FOXN4: variants seen among roughly 807,000 people sequenced by gnomAD.
FOXN4 encodes the protein forkhead box protein N4.
Under a neutral mutation model 45.0 loss-of-function variants are expected in FOXN4, and 12 were observed. That is an observed-to-expected ratio of 0.27 (90% CI 0.17 to 0.43). FOXN4 has a LOEUF of 0.43. Ranked by LOEUF, FOXN4 falls within the 20% of genes least tolerant of loss-of-function variation. The pLI is 1.00. For synonymous variants in FOXN4, 297 were observed against 295.0 expected, an observed-to-expected ratio of 1.01 and a Z score of -0.07; for missense variants, 560 against 694.9, an observed-to-expected ratio of 0.81 and a Z score of 2.18.
chr12:109,280,585 C>A (rs1265704561), intron 9 of FOXN4, among the ~76,000 whole-genome samples: 1 of 152,168 alleles, frequency 6.6e-6, no homozygotes, highest in Non-Finnish European at 1.5e-5. Flanking sequence ...GACAATGTTT[C>A]TCTTTCTTCA....
intron 6 of FOXN4, 44 bp from the exon 7 acceptor site, chr12:109,286,788 G>T: frequency 6.4e-7 from 1 of 1,569,368 alleles, no homozygotes; most frequent in Non-Finnish European, 8.6e-7. Context: ...GCAGGACAGG[G>T]CAGGCCAGGC....
chr12:109,279,767 T>C lies in FOXN4; in HGVS notation c.1458A>G (p.Thr486=), dbSNP rs779699189. The part of the protein sequence containing the change: ...FPDLQVTGLY[T]AYSTPDSVAA... ...CCACACTGTCCGGAGTGGAGTACGC[T>C]GTGTAGAGACCCGTCACCTGCAAGT... The change falls in exon 10 of 10, where the codon ACA becomes ACG. Residue 486 remains threonine, a synonymous_variant. Transcript: ENST00000299162. 5.0e-6 allele frequency: 8 copies of C among 1,598,750 alleles called. No individual in the cohort carries two copies. The Admixed American group carries it at 7.0e-5, about 14-fold the overall frequency.
At position 109,283,977 on chromosome 12, in the gene FOXN4, T is replaced by C. The variant is rs149497669; in HGVS notation, c.901+1327A>G. Among the ~76,000 whole-genome samples, 9 of 152,328 alleles carry C rather than the reference T, an allele frequency of 5.9e-5. No individual in the cohort carries two copies. In the East Asian group the frequency reaches 1.7e-3, roughly 29 times the overall value. ...AAATCTTTGCTCTTCACAGTACACATCATCAGAAGTAGAATAATTGGACCA... is the reference window on the plus strand; with the variant it reads ...AAATCTTTGCTCTTCACAGTACACACCATCAGAAGTAGAATAATTGGACCA... On this transcript the variant is annotated intron_variant, in intron 8 of 9. Transcript: ENST00000299162.
At position 109,309,106 on chromosome 12, in the gene FOXN4, T is replaced by C. The variant is rs1328650976; in HGVS notation, c.-4+13A>G. 2 of 152,100 alleles carry C rather than the reference T, an allele frequency of 1.3e-5. No individual in the cohort carries two copies. Among genetic ancestry groups the C allele is most frequent in the African/African-American group, 2.4e-5 (1 of 41,442 alleles). 9.4% of individuals were successfully genotyped at this position (152,100 alleles called of 1,614,324 possible). On this transcript the variant is annotated intron_variant, in intron 1 of 9. Coordinates refer to ENST00000299162, the MANE Select transcript of FOXN4 (RefSeq NM_213596.3). The surrounding 1 kb of genome is among the most constrained non-coding windows in gnomAD (Gnocchi z 5.0). ...CGGGAGGAGGGAGCAAAGCCGACCC[T>C]GCAAGGCGGTACCTGGAGCCGATCC...
chr12:109,280,989 G>A lies in FOXN4; in HGVS notation c.1294+418C>T, dbSNP rs1593764086. Reference sequence around the variant, plus strand: ...CCACTTACTAGCCAGGTGACCTTGGGTGAGTGACTTCACTTCTCTCTGCCT... The same window carrying A: ...CCACTTACTAGCCAGGTGACCTTGGATGAGTGACTTCACTTCTCTCTGCCT... On this transcript the variant is annotated intron_variant, in intron 9 of 9. Transcript: ENST00000299162. 3.9e-5 allele frequency among the ~76,000 whole-genome samples: 6 copies of A among 152,310 alleles called. No individual in the cohort carries two copies. In the South Asian group the frequency reaches 1.2e-3, roughly 32 times the overall value.
At chr12:109,292,889 GGGCTGAGCACAA>G (rs1658422438) in intron 2 of FOXN4, among the ~76,000 whole-genome samples, 1 of 152,136 alleles carries the variant, frequency 6.6e-6, no homozygotes, top group African/African-American at 2.4e-5. Context: ...CACGTATAAA[GGGCTGAGCACAA>G]GGCTGAGCAT....
At chr12:109,284,475 A>G (rs1244267503) in intron 8 of FOXN4, among the ~76,000 whole-genome samples, 3 of 135,448 alleles carry the variant, frequency 2.2e-5, no homozygotes, top group East Asian at 2.3e-4. Flanking sequence ...GCGTGTGCGC[A>G]CACACTAGGG....
chr12:109,284,890 G>C (rs1331219226), intron 8 of FOXN4, among the ~76,000 whole-genome samples: 1 of 150,786 alleles, frequency 6.6e-6, no homozygotes. Flanking sequence ...GCACGCATGT[G>C]TGTATTGGTC....
chr12:109,286,248 C>T (rs998771449), intron 7 of FOXN4, among the ~76,000 whole-genome samples: 1 of 152,178 alleles, frequency 6.6e-6, no homozygotes, highest in African/African-American at 2.4e-5. Context: ...CTGCCAGGCC[C>T]TTTATCTGCA....
chr12:109,296,250 G>A (rs2047815867), intron 2 of FOXN4, among the ~76,000 whole-genome samples: 1 of 152,214 alleles, frequency 6.6e-6, no homozygotes, highest in Non-Finnish European at 1.5e-5. Flanking sequence ...ACCCAGCGCT[G>A]GGGAGCTGTG....
At chr12:109,284,500 T>C (rs2047683604) in intron 8 of FOXN4, among the ~76,000 whole-genome samples, 1 of 151,746 alleles carries the variant, frequency 6.6e-6, no homozygotes, top group Non-Finnish European at 1.5e-5. Context: ...CCCGGGCCTC[T>C]TGGCCATGCT....
chr12:109,294,076 G>A (rs139483172), intron 2 of FOXN4, among the ~76,000 whole-genome samples: 5 of 152,292 alleles, frequency 3.3e-5, no homozygotes, highest in East Asian at 1.9e-4. Context: ...GAGATCAGAC[G>A]TCTTCCGGGG....
intron 8 of FOXN4, among the ~76,000 whole-genome samples, chr12:109,283,322 C>T (rs1015624373): frequency 1.3e-5 from 2 of 152,156 alleles, no homozygotes; most frequent in Non-Finnish European, 2.9e-5. Flanking sequence ...TTCCCAAACA[C>T]ACAAGCATAT....
intron 8 of FOXN4, among the ~76,000 whole-genome samples, chr12:109,283,123 G>C (rs117762573): frequency 6.6e-6 from 1 of 152,006 alleles, no homozygotes; most frequent in Non-Finnish European, 1.5e-5. Context: ...TAGCCTCCAC[G>C]TCACAGTCCC....
At chr12:109,280,673 C>T (rs2047644508) in intron 9 of FOXN4, among the ~76,000 whole-genome samples, 1 of 152,208 alleles carries the variant, frequency 6.6e-6, no homozygotes. Flanking sequence ...CTGCAGCTGA[C>T]TTGCCACTTG....
chr12:109,292,665 A>G (rs1456271021), intron 2 of FOXN4, among the ~76,000 whole-genome samples: 2 of 152,266 alleles, frequency 1.3e-5, no homozygotes, highest in African/African-American at 2.4e-5. Flanking sequence ...ATTAATATCC[A>G]CCAGGTCGCC....
Position 109,291,020 on chromosome 12 carries a change from CAGG to C in FOXN4, c.87-737_87-735del, listed in dbSNP as rs1566001108. On this transcript the variant is annotated intron_variant, in intron 2 of 9. Coordinates refer to ENST00000299162, the MANE Select transcript of FOXN4 (RefSeq NM_213596.3). This position sits in a 1 kb window ranked among gnomAD's most constrained non-coding sequence, Gnocchi z 6.6. The stretch of plus-strand genomic sequence containing the variant: ...GTCACCTGCCCAAGGCGACACAGAA[CAGG>C]AGGTGGTGGGGCTGAGACCCAGTCA... Among the ~76,000 whole-genome samples the C allele has an allele frequency of 6.6e-6, 1 of 152,154 alleles. No homozygotes were observed. The highest frequency in any genetic ancestry group is 1.5e-5 in the Non-Finnish European group (1 of 68,024).
Position 109,287,003 on chromosome 12 carries a change from C to A in FOXN4, c.597-259G>T. The stretch of plus-strand genomic sequence containing the variant: ...ACCCTTTCCCCTCTTTATTGCATCC[C>A]CATAATTTTAATGGCTATGAGCCTT... On this transcript the variant is annotated intron_variant, in intron 6 of 9. Transcript: ENST00000299162. The surrounding 1 kb of genome is among the most constrained non-coding windows in gnomAD (Gnocchi z 4.1). 1.1e-6 allele frequency: 1 copy of A among 920,806 alleles called. No individual in the cohort carries two copies. Among genetic ancestry groups the A allele is most frequent in the South Asian group, 2.0e-5 (1 of 49,528 alleles). The allele number at this position is 920,806 out of a possible 1,614,324, so 57.0% of individuals were successfully genotyped here.
chr12:109,299,408 A>C (rs2047848571), intron 2 of FOXN4, among the ~76,000 whole-genome samples: 1 of 152,034 alleles, frequency 6.6e-6, no homozygotes, highest in Non-Finnish European at 1.5e-5. Context: ...CACAACACAC[A>C]CGTGCATGTA....
Sources: gnomAD v4.1 joint callset for allele counts (sites outside exome capture counted in the v4.1 genomes callset) on GRCh38, gnomAD v4.1.1 for gene constraint, Gnocchi (gnomAD v3.1) non-coding constraint, MANE v1.5 for transcripts, NCBI Gene and HGNC (gene_info 2026-07-23, HGNC 2026-07-21) for gene names.